GRIP1: variants seen among roughly 807,000 people sequenced by gnomAD.
The protein encoded by GRIP1 is glutamate receptor-interacting protein 1.
GRIP1 carries 45 observed loss-of-function variants against 129.9 expected under a neutral mutation model. That is an observed-to-expected ratio of 0.35 (90% CI 0.27 to 0.44). The LOEUF (loss-of-function observed/expected upper bound fraction) is 0.44. Among genes scored for constraint, GRIP1 ranks in the 20% least tolerant of loss-of-function variants. The pLI, the probability that GRIP1 is intolerant of heterozygous loss-of-function variation, is 1.00. For missense variants in GRIP1, 1,196 were observed against 1,396.8 expected, an observed-to-expected ratio of 0.86 and a Z score of 2.29; for synonymous variants, 530 against 520.8, an observed-to-expected ratio of 1.02 and a Z score of -0.24.
intron 1 of GRIP1, among the ~76,000 whole-genome samples, chr12:66,601,967 A>G (rs577406327): frequency 6.6e-6 from 1 of 152,256 alleles, no homozygotes; most frequent in Non-Finnish European, 1.5e-5. Flanking sequence ...AGACTAGAAC[A>G]TGGTACTGGA....
At chr12:66,662,643 T>A (rs1255492543) in intron 1 of GRIP1, among the ~76,000 whole-genome samples, 3 of 152,136 alleles carry the variant, frequency 2.0e-5, no homozygotes, top group Admixed American at 2.0e-4. Flanking sequence ...AGAACTACTT[T>A]AAAAAATTTC....
At chr12:66,941,406 C>T (rs917613902) in intron 1 of GRIP1, among the ~76,000 whole-genome samples, 1 of 152,202 alleles carries the variant, frequency 6.6e-6, no homozygotes, top group Non-Finnish European at 1.5e-5. Context: ...TTTAACAGTT[C>T]CAATGACTCA....
intron 1 of GRIP1, among the ~76,000 whole-genome samples, chr12:66,903,615 C>G (rs1401138210): frequency 4.6e-5 from 7 of 152,034 alleles, no homozygotes; most frequent in Non-Finnish European, 2.9e-5. Context: ...GGAAAGAAAA[C>G]CACAGATATC....
intron 1 of GRIP1, among the ~76,000 whole-genome samples, chr12:66,853,127 AG>A (rs1042480570): frequency 2.0e-5 from 3 of 151,634 alleles, no homozygotes; most frequent in African/African-American, 7.3e-5. Flanking sequence ...AAACGTGAGG[AG>A]CTTTTTCTTC....
intron 1 of GRIP1, among the ~76,000 whole-genome samples, chr12:66,956,396 A>G (rs1255471345): frequency 3.3e-5 from 5 of 152,166 alleles, no homozygotes; most frequent in Non-Finnish European, 7.4e-5. Flanking sequence ...GGAGTAGATG[A>G]TATCAGCAGG....
chr12:66,591,768 C>T (rs941681224), intron 2 of GRIP1, among the ~76,000 whole-genome samples: 1 of 151,992 alleles, frequency 6.6e-6, no homozygotes, highest in Non-Finnish European at 1.5e-5. Context: ...TAGCTGGGAC[C>T]ACACGTGCAT....
chr12:66,348,687 A>G lies in GRIP1; in HGVS notation c.*332T>C, dbSNP rs2054086938. 3.4e-6 allele frequency: 1 copy of G among 295,972 alleles called. No homozygotes were observed. Among genetic ancestry groups the G allele is most frequent in the South Asian group, 4.8e-5 (1 of 20,770 alleles). 18.3% of individuals were successfully genotyped at this position (295,972 alleles called of 1,614,324 possible). On this transcript the variant is annotated 3_prime_UTR_variant, in exon 25 of 25. Coordinates refer to ENST00000359742, the MANE Select transcript of GRIP1 (RefSeq NM_001366722.1). The stretch of plus-strand genomic sequence containing the variant: ...CATCACAGAGAATATTTTCAAACAG[A>G]TGTTTCTCTTTTTAAAAAGTGATAG...
chr12:66,372,087 G>C, intron 22 of GRIP1, 160 bp from the exon 23 acceptor site: 1 of 665,910 alleles, frequency 1.5e-6, no homozygotes, highest in Admixed American at 2.2e-5. Context: ...AACTATGAAA[G>C]TCTGGAAAAT....
chr12:66,634,762 A>C (rs1472405757), intron 1 of GRIP1, among the ~76,000 whole-genome samples: 1 of 152,204 alleles, frequency 6.6e-6, no homozygotes, highest in African/African-American at 2.4e-5. Flanking sequence ...AGCTTCACCC[A>C]ATTTACAGAA....
intron 1 of GRIP1, among the ~76,000 whole-genome samples, chr12:66,866,170 T>C (rs894363122): frequency 6.6e-6 from 1 of 152,100 alleles, no homozygotes; most frequent in East Asian, 1.9e-4. Flanking sequence ...TCTTAAATGA[T>C]TTGCTTTTTA....
At chr12:66,657,401 G>T (rs1328751505) in intron 1 of GRIP1, among the ~76,000 whole-genome samples, 1 of 152,166 alleles carries the variant, frequency 6.6e-6, no homozygotes, top group Non-Finnish European at 1.5e-5. Flanking sequence ...TAACTGGACA[G>T]AATATAGAGT....
At chr12:66,716,597 T>C (rs184149776) in intron 1 of GRIP1, among the ~76,000 whole-genome samples, 2 of 152,054 alleles carry the variant, frequency 1.3e-5, no homozygotes, top group Non-Finnish European at 1.5e-5. Flanking sequence ...TTTCTTATCC[T>C]TTAAGGATTT....
rs192955421 is a variant in GRIP1, at chr12:66,694,337, T to G, written c.-419-64001A>C. On this transcript the variant is annotated intron_variant, in intron 1 of 4. Coordinates refer to the GRIP1 transcript ENST00000538373. ...TGAGTTTTTAAAAAACTTTTTTATT[T>G]TGAATTACTTTTAGACTTAATGAAA... Among the ~76,000 whole-genome samples, 494 of 152,294 alleles carry G rather than the reference T, an allele frequency of 3.2e-3. 4 individuals are homozygous for G. The Middle Eastern group carries it at 0.037, about 12-fold the overall frequency.
chr12:66,549,240 G>A (rs779056683), intron 2 of GRIP1, among the ~76,000 whole-genome samples: 1 of 152,080 alleles, frequency 6.6e-6, no homozygotes, highest in African/African-American at 2.4e-5. Context: ...GAATTATAAT[G>A]GGGTGGTGAG....
chr12:66,834,536 TTAAA>T (rs1306996137), intron 1 of GRIP1, among the ~76,000 whole-genome samples: 1 of 152,204 alleles, frequency 6.6e-6, no homozygotes, highest in Non-Finnish European at 1.5e-5. Context: ...CAAGTTTTAC[TTAAA>T]TAGTTAATTA....
chr12:66,558,930 C>A (rs368740070), intron 2 of GRIP1, among the ~76,000 whole-genome samples: 2 of 152,024 alleles, frequency 1.3e-5, no homozygotes, highest in East Asian at 1.9e-4. Flanking sequence ...AAATCCTCAA[C>A]AAAATAGCAG....
intron 14 of GRIP1, among the ~76,000 whole-genome samples, chr12:66,426,215 T>C (rs1177002137): frequency 1.3e-5 from 2 of 152,174 alleles, no homozygotes; most frequent in African/African-American, 2.4e-5. Context: ...AAGACATTTA[T>C]ACAATTATTT....
chr12:66,430,945 G>T (rs2137950471), intron 14 of GRIP1, among the ~76,000 whole-genome samples: 1 of 152,246 alleles, frequency 6.6e-6, no homozygotes, highest in South Asian at 2.1e-4. Flanking sequence ...AGGGAAGGCA[G>T]AAGAATGAAA....
intron 1 of GRIP1, among the ~76,000 whole-genome samples, chr12:66,915,357 C>G (rs968515531): frequency 9.9e-5 from 15 of 152,272 alleles, no homozygotes; most frequent in African/African-American, 3.6e-4. Context: ...GCCTCTGCAT[C>G]TTGGGGTGGT....
Sources: gnomAD v4.1 joint callset for allele counts (sites outside exome capture counted in the v4.1 genomes callset) on GRCh38, gnomAD v4.1.1 for gene constraint, MANE v1.5 for transcripts, NCBI Gene and HGNC (gene_info 2026-07-23, HGNC 2026-07-21) for gene names.